Variants in MAPKAPK3 observed in about 807,000 individuals in gnomAD.
MAPKAPK3 encodes MAP kinase-activated protein kinase 3.
Under a neutral mutation model 49.2 loss-of-function variants are expected in MAPKAPK3, and 35 were observed. The observed-to-expected ratio is 0.71, with a 90% CI of 0.54 to 0.94. MAPKAPK3 has a LOEUF of 0.94. Among genes scored for constraint, MAPKAPK3 ranks in the 40% least tolerant of loss-of-function variants. MAPKAPK3 has a pLI of 0.00. For synonymous variants in MAPKAPK3, 178 were observed against 188.7 expected, an observed-to-expected ratio of 0.94 and a Z score of 0.46; for missense variants, 398 against 493.1, an observed-to-expected ratio of 0.81 and a Z score of 1.83.
upstream of MAPKAPK3, chr3:50,611,780 G>T: frequency 1.6e-6 from 2 of 1,272,998 alleles, no homozygotes; most frequent in Non-Finnish European, 1.0e-6. Flanking sequence ...GGACTGAGAG[G>T]CAGTGGCGCG....
At chr3:50,624,966 C>G (rs920992582) in intron 2 of MAPKAPK3, among the ~76,000 whole-genome samples, 6 of 152,204 alleles carry the variant, frequency 3.9e-5, no homozygotes, top group Non-Finnish European at 8.8e-5. Context: ...TGCTCTCCCT[C>G]CATCTATTGG....
intron 2 of MAPKAPK3, among the ~76,000 whole-genome samples, chr3:50,622,025 G>A (rs564259439): frequency 2.0e-5 from 3 of 152,338 alleles, no homozygotes; most frequent in South Asian, 4.1e-4. Context: ...CTTTGTAGCA[G>A]CCATCTTCCT....
chr3:50,644,630 C>G, intron 6 of MAPKAPK3, 98 bp downstream of exon 6: 2 of 1,305,952 alleles, frequency 1.5e-6, no homozygotes, highest in Non-Finnish European at 2.1e-6. Context: ...GGTTAAAGCC[C>G]AGCAAGGAGG....
intron 2 of MAPKAPK3, among the ~76,000 whole-genome samples, chr3:50,635,700 C>T (rs2033020891): frequency 6.6e-6 from 1 of 151,612 alleles, no homozygotes; most frequent in East Asian, 1.9e-4. Context: ...CAGGCGTCAG[C>T]CACCACGCCT....
At position 50,630,839 on chromosome 3, in the gene MAPKAPK3, C is replaced by T. The variant is rs1030896729; in HGVS notation, c.220-9527C>T. Among the ~76,000 whole-genome samples the T allele has an allele frequency of 1.2e-4, 18 of 152,248 alleles. 1 individual carries two copies. The highest frequency in any genetic ancestry group is 9.2e-4 in the Admixed American group (14 of 15,286). On this transcript the variant is annotated intron_variant, in intron 2 of 10. Transcript: ENST00000621469. ...AACCTCCCAGAAGGACATTTCCCCA[C>T]AGGTAGAAGGGCGCTGCTGATCCTT... is the stretch of plus-strand genomic sequence containing the variant.
intron 2 of MAPKAPK3, among the ~76,000 whole-genome samples, chr3:50,620,239 C>T (rs1452416344): frequency 2.0e-5 from 3 of 152,050 alleles, no homozygotes; most frequent in Non-Finnish European, 4.4e-5. Context: ...GACCTGGGGA[C>T]CTCAGTACAT....
At chr3:50,622,859 C>G (rs2032644296) in intron 2 of MAPKAPK3, among the ~76,000 whole-genome samples, 1 of 152,124 alleles carries the variant, frequency 6.6e-6, no homozygotes, top group African/African-American at 2.4e-5. Context: ...CAGAGGGGCT[C>G]TGTATAACCA....
At chr3:50,625,670 C>T (rs1239062682) in intron 2 of MAPKAPK3, among the ~76,000 whole-genome samples, 3 of 152,124 alleles carry the variant, frequency 2.0e-5, no homozygotes, top group African/African-American at 7.2e-5. Context: ...ATGGCACTAG[C>T]GATCTTTCTG....
intron 2 of MAPKAPK3, among the ~76,000 whole-genome samples, chr3:50,625,276 T>G (rs2032710273): frequency 6.6e-6 from 1 of 152,140 alleles, no homozygotes; most frequent in Non-Finnish European, 1.5e-5. Flanking sequence ...TGGGTGCATT[T>G]GCTGGTGAAA....
At chr3:50,626,405 G>A (rs1176906636) in intron 2 of MAPKAPK3, among the ~76,000 whole-genome samples, 1 of 152,216 alleles carries the variant, frequency 6.6e-6, no homozygotes, top group Non-Finnish European at 1.5e-5. Flanking sequence ...AGACTCTCTA[G>A]CTGGCACCCT....
At chr3:50,627,706 C>A (rs2032796799) in intron 2 of MAPKAPK3, among the ~76,000 whole-genome samples, 1 of 152,150 alleles carries the variant, frequency 6.6e-6, no homozygotes, top group Non-Finnish European at 1.5e-5. Flanking sequence ...GGCAGGGCCT[C>A]CCCCTCTTCC....
chr3:50,641,579 C>T, intron 3 of MAPKAPK3, 128 bp from the exon 4 acceptor site: 1 of 759,828 alleles, frequency 1.3e-6, no homozygotes, highest in Non-Finnish European at 2.4e-6. Flanking sequence ...GGGAGGCTGA[C>T]AGTGGCTGTT....
chr3:50,625,901 C>T (rs79176091), intron 2 of MAPKAPK3, among the ~76,000 whole-genome samples: 1 of 151,992 alleles, frequency 6.6e-6, no homozygotes, highest in Admixed American at 6.5e-5. Flanking sequence ...CTCACTCCCC[C>T]ACCCCCACCC....
At chr3:50,643,296 G>C (rs1391237300) in intron 5 of MAPKAPK3, among the ~76,000 whole-genome samples, 1 of 152,206 alleles carries the variant, frequency 6.6e-6, no homozygotes, top group Non-Finnish European at 1.5e-5. Flanking sequence ...TTCCAGTCTT[G>C]AGGCTGGAAG....
chr3:50,639,119 G>A (rs969160908), intron 2 of MAPKAPK3, among the ~76,000 whole-genome samples: 5 of 152,210 alleles, frequency 3.3e-5, no homozygotes, highest in Non-Finnish European at 7.3e-5. Flanking sequence ...GTTAACCCGA[G>A]CAAGGATCCT....
upstream of MAPKAPK3, among the ~76,000 whole-genome samples, chr3:50,613,483 C>T (rs139456298): frequency 1.3e-3 from 205 of 152,294 alleles, no homozygotes; most frequent in African/African-American, 4.5e-3. Context: ...CCTTATAACC[C>T]ACTTTGAGGG....
At position 50,644,451 on chromosome 3, in the gene MAPKAPK3, C is replaced by G; in HGVS notation, c.547C>G (p.Leu183Val). Residue 183 changes from leucine to valine, a missense_variant, in exon 6 of 11, where the codon CTT (leucine) becomes GTT (valine). By Grantham distance (32) the Leu-to-Val change is conservative. Coordinates refer to ENST00000621469, the MANE Select transcript of MAPKAPK3 (RefSeq NM_001243925.2). The part of the protein sequence containing the change: ...LYTSKEKDAV[L>V]KLTDFGFAKE... Reference sequence around the variant, plus strand: ...CACATCTAAGGAGAAAGACGCAGTGCTTAAGCTCACCGATTTTGGCTTTGC... The same window carrying G: ...CACATCTAAGGAGAAAGACGCAGTGGTTAAGCTCACCGATTTTGGCTTTGC... 6.2e-7 allele frequency: 1 copy of G among 1,614,200 alleles called. No homozygotes were observed. The highest frequency in any genetic ancestry group is 8.5e-7 in the Non-Finnish European group (1 of 1,180,024).
At chr3:50,626,601 C>T (rs1226169277) in intron 2 of MAPKAPK3, among the ~76,000 whole-genome samples, 1 of 152,226 alleles carries the variant, frequency 6.6e-6, no homozygotes, top group Non-Finnish European at 1.5e-5. Context: ...GGTAGAAGGA[C>T]TGGCAGGTGT....
Position 50,644,494 on chromosome 3 carries a change from A to G in MAPKAPK3, c.590A>G (p.Asn197Ser). 2 of 1,614,204 alleles carry G rather than the reference A, an allele frequency of 1.2e-6. No homozygotes were observed. The highest frequency in any genetic ancestry group is 1.7e-6 in the Non-Finnish European group (2 of 1,180,044). ...DFGFAKETTQ[N>S]ALQTPCYTPY... ...GGCTTTGCTAAGGAGACCACCCAAA[A>G]TGCCCTGCAGACACCCTGCTATACT... The change falls in exon 6 of 11, where the codon AAT becomes AGT. Residue 197 changes from asparagine (N) to serine (S), a missense_variant. This residue lies in a region of MAPKAPK3 where 30 missense variants were observed against 70.5 expected (regional missense o/e 0.43). Coordinates refer to ENST00000621469, the MANE Select transcript of MAPKAPK3 (RefSeq NM_001243925.2).
Sources: allele counts gnomAD v4.1 joint callset (sites outside exome capture counted in the v4.1 genomes callset), GRCh38; gene constraint gnomAD v4.1.1; regional missense constraint gnomAD v4.1.1; transcripts MANE v1.5; gene names NCBI Gene and HGNC (gene_info 2026-07-23, HGNC 2026-07-21).